Variants in LRCH1 observed in about 807,000 individuals in gnomAD.
LRCH1 encodes leucine-rich repeat and calponin homology domain-containing protein 1.
A neutral mutation model predicts 94.9 loss-of-function variants in LRCH1; 23 were observed. The observed-to-expected ratio is 0.24, with a 90% confidence interval of 0.17 to 0.34. LRCH1 has a LOEUF of 0.34. Among genes scored for constraint, LRCH1 ranks in the 10% least tolerant of loss-of-function variants. LRCH1 has a pLI of 1.00. For missense variants in LRCH1, 790 were observed against 945.9 expected, an observed-to-expected ratio of 0.84 and a Z score of 2.16; for synonymous variants, 364 against 354.9, an observed-to-expected ratio of 1.03 and a Z score of -0.29.
chr13:46,613,569 G>A (rs2050771577), intron 1 of LRCH1, among the ~76,000 whole-genome samples: 1 of 152,116 alleles, frequency 6.6e-6, no homozygotes, highest in Admixed American at 6.5e-5. Context: ...CCCAAAGCGT[G>A]ATTGGCTGAT....
At chr13:46,636,102 C>T (rs1338180717) in intron 1 of LRCH1, among the ~76,000 whole-genome samples, 1 of 113,466 alleles carries the variant, frequency 8.8e-6, no homozygotes, top group African/African-American at 3.4e-5. Context: ...TGAAGTCTCG[C>T]TCTGTCACCC....
chr13:46,596,992 A>G (rs2050571494), intron 1 of LRCH1, among the ~76,000 whole-genome samples: 1 of 152,200 alleles, frequency 6.6e-6, no homozygotes, highest in Non-Finnish European at 1.5e-5. Context: ...CTCTAAGTTT[A>G]GGTCTAAGAA....
rs181372002 is a variant in LRCH1 at position 46,679,227 on chromosome 13, A to G, written c.580-2514A>G. 9.2e-5 allele frequency among the ~76,000 whole-genome samples: 14 copies of G among 152,324 alleles called. No individual in the cohort carries two copies. In the East Asian group the frequency reaches 2.5e-3, roughly 27 times the overall value. ...GACTGTATCTGGTCATGAGTTCCATAGAAGGATTTGATTTCCTGCATTTCT... is the reference window on the plus strand; with the variant it reads ...GACTGTATCTGGTCATGAGTTCCATGGAAGGATTTGATTTCCTGCATTTCT... On this transcript the variant is annotated intron_variant, in intron 3 of 19. Coordinates refer to ENST00000389797, the MANE Select transcript of LRCH1 (RefSeq NM_001164211.2).
At chr13:46,723,146 C>A in intron 16 of LRCH1, 75 bp from the exon 17 acceptor site, 1 of 718,466 alleles carries the variant, frequency 1.4e-6, no homozygotes, top group Non-Finnish European at 2.3e-6. Flanking sequence ...AATTAAAATA[C>A]TGTTTGATTT....
chr13:46,556,470 C>T (rs1044684520), intron 1 of LRCH1, among the ~76,000 whole-genome samples: 1 of 151,980 alleles, frequency 6.6e-6, no homozygotes, highest in African/African-American at 2.4e-5. Flanking sequence ...ATAGGTGAAA[C>T]GGGGAAAGAA....
chr13:46,687,205 C>T (rs142295899), intron 5 of LRCH1, among the ~76,000 whole-genome samples: 83 of 152,184 alleles, frequency 5.5e-4, no homozygotes, highest in African/African-American at 1.7e-3. Context: ...GGGATCTGCC[C>T]GCCTTGGCCT....
At chr13:46,734,860 T>C (rs1022391862) in intron 19 of LRCH1, among the ~76,000 whole-genome samples, 2 of 152,224 alleles carry the variant, frequency 1.3e-5, no homozygotes, top group African/African-American at 4.8e-5. Context: ...ATACATGCGA[T>C]ACTGTTTTGA....
intron 19 of LRCH1, among the ~76,000 whole-genome samples, chr13:46,737,270 T>C (rs1873431107): frequency 6.6e-6 from 1 of 152,120 alleles, no homozygotes; most frequent in Non-Finnish European, 1.5e-5. Context: ...TAAAAAAATT[T>C]GTTATGATTT....
chr13:46,646,538 G>A (rs2051223295), intron 1 of LRCH1, among the ~76,000 whole-genome samples: 1 of 152,076 alleles, frequency 6.6e-6, no homozygotes, highest in African/African-American at 2.4e-5. Context: ...AATACTATAT[G>A]CACTGTCCTG....
rs113339628 is a variant in LRCH1, at chr13:46,650,086, AAT to A, written c.308-114_308-113del. ...CTGTAGTAACAGAGGTGCAAAAAAA[AAT>A]GATAATGTTGGTCAAAATGTATAAT... On this transcript the variant is annotated intron_variant, in intron 1 of 19. Coordinates refer to ENST00000389797, the MANE Select transcript of LRCH1 (RefSeq NM_001164211.2). 1.4e-4 allele frequency: 93 copies of A among 667,842 alleles called. No homozygotes were observed. The African/African-American group carries it at 1.4e-3, about 10-fold the overall frequency. 41.4% of individuals were successfully genotyped at this position (667,842 alleles called of 1,614,324 possible).
At chr13:46,684,273 T>G (rs1870491137) in intron 4 of LRCH1, among the ~76,000 whole-genome samples, 1 of 151,708 alleles carries the variant, frequency 6.6e-6, no homozygotes, top group Non-Finnish European at 1.5e-5. Context: ...CCTGGGCTGG[T>G]GTTGCAAAAT....
intron 3 of LRCH1, among the ~76,000 whole-genome samples, chr13:46,678,692 C>A (rs1357618377): frequency 6.6e-6 from 1 of 152,116 alleles, no homozygotes; most frequent in Admixed American, 6.5e-5. Context: ...TTCCCTACTG[C>A]CAAATAAGTT....
At chr13:46,739,076 TAAGTA>T (rs1288463246) in intron 19 of LRCH1, among the ~76,000 whole-genome samples, 1 of 152,232 alleles carries the variant, frequency 6.6e-6, no homozygotes, top group African/African-American at 2.4e-5. Flanking sequence ...AGATTATATT[TAAGTA>T]AAGTAAATAT....
chr13:46,682,060 C>T (rs1474165992), intron 4 of LRCH1, among the ~76,000 whole-genome samples: 1 of 151,984 alleles, frequency 6.6e-6, no homozygotes, highest in East Asian at 1.9e-4. Flanking sequence ...GCAACAAAAT[C>T]ATTCCCCTAG....
intron 1 of LRCH1, among the ~76,000 whole-genome samples, chr13:46,608,602 G>A (rs181868273): frequency 1.3e-5 from 2 of 152,294 alleles, no homozygotes; most frequent in African/African-American, 4.8e-5. Flanking sequence ...AGGGTTTTTA[G>A]TATAACCTGT....
rs562969974 is a variant in LRCH1, at chr13:46,664,390, A to G, written c.453-4640A>G. Among the ~76,000 whole-genome samples the G allele has an allele frequency of 2.6e-5, 4 of 152,348 alleles. No individual in the cohort carries two copies. The East Asian group carries it at 7.7e-4, about 29-fold the overall frequency. ...CCACATCTTAACATCTGAGCATAAC[A>G]CATTACCCTTTCTATGTTTAGATGT... On this transcript the variant is annotated intron_variant, in intron 2 of 19. Transcript: ENST00000389797.
chr13:46,750,873 C>T, exon 19 of LRCH1: 1 of 394,052 alleles, frequency 2.5e-6, no homozygotes, highest in Non-Finnish European at 4.6e-6. Flanking sequence ...AGAGAGGGAG[C>T]TGGAGGAAAA....
intron 1 of LRCH1, among the ~76,000 whole-genome samples, chr13:46,606,658 G>A (rs2050691139): frequency 6.6e-6 from 1 of 152,148 alleles, no homozygotes; most frequent in African/African-American, 2.4e-5. Context: ...TGTAGCCTTT[G>A]TCTCCCAGGT....
chr13:46,605,118 T>TGCAGCAGTAC (rs2050673580), intron 1 of LRCH1, among the ~76,000 whole-genome samples: 1 of 152,224 alleles, frequency 6.6e-6, no homozygotes, highest in South Asian at 2.1e-4. Context: ...GAAAAGTTTA[T>TGCAGCAGTAC]TGAAATAATC....
Sources: gnomAD v4.1 joint callset for allele counts (sites outside exome capture counted in the v4.1 genomes callset) on GRCh38, gnomAD v4.1.1 for gene constraint, MANE v1.5 for transcripts, NCBI Gene and HGNC (gene_info 2026-07-23, HGNC 2026-07-21) for gene names.